Variants in ZNF736 observed in about 807,000 individuals in gnomAD.
The protein encoded by ZNF736 is KRAB-containing zinc-finger repressor protein.
In ZNF736, 6 loss-of-function variants were observed where a neutral mutation model predicts 11.7. That is an observed-to-expected ratio of 0.51 (90% CI 0.28 to 1.01). The LOEUF (loss-of-function observed/expected upper bound fraction) is 1.01, where lower values mean the gene tolerates loss of function less well. Ranked by LOEUF, ZNF736 falls within the 50% of genes least tolerant of loss-of-function variation. The pLI, the probability that ZNF736 is intolerant of heterozygous loss-of-function variation, is 0.09. For missense variants in ZNF736, 444 were observed against 496.0 expected, an observed-to-expected ratio of 0.90 and a Z score of 1.00; for synonymous variants, 139 against 164.7, an observed-to-expected ratio of 0.84 and a Z score of 1.19.
rs1255176463 is a variant in ZNF736 at position 64,351,100 on chromosome 7, T to C, written c.*1953T>C. ...GTGGTGTTGGCTTGGGGCAGGATAC[T>C]GGCCAGTAAAGGTTTTGATGCCTTC... On this transcript the variant is annotated 3_prime_UTR_variant, in exon 4 of 4. Transcript: ENST00000423484. The C allele has an allele frequency of 3.3e-5, 5 of 152,566 alleles. No individual in the cohort carries two copies. The highest frequency in any genetic ancestry group is 6.5e-5 in the Admixed American group (1 of 15,276). The allele number at this position is 152,566 out of a possible 1,614,324, so 9.5% of individuals were successfully genotyped here. A position where few individuals can be genotyped will look rare whatever the true frequency, so the allele number is the denominator to read the frequency against.
intron 3 of ZNF736, among the ~76,000 whole-genome samples, chr7:64,338,696 T>A (rs1789294204): frequency 6.7e-6 from 1 of 150,056 alleles, no homozygotes; most frequent in African/African-American, 2.5e-5. Flanking sequence ...CTGAATAATA[T>A]TCTATTTTGT....
chr7:64,347,617 A>G (rs2115968249), intron 3 of ZNF736, among the ~76,000 whole-genome samples: 1 of 152,210 alleles, frequency 6.6e-6, no homozygotes, highest in Non-Finnish European at 1.5e-5. Context: ...TGTAACAGTC[A>G]TTTACCTTTG....
chr7:64,330,119 C>G (rs1787268395), intron 1 of ZNF736, among the ~76,000 whole-genome samples: 1 of 152,000 alleles, frequency 6.6e-6, no homozygotes, highest in African/African-American at 2.4e-5. Flanking sequence ...GTGGTGAACT[C>G]TGCCAGGCCT....
chr7:64,348,573 CT>C lies in ZNF736; in HGVS notation c.714del (p.Phe238LeufsTer68), dbSNP rs762505630. ...KPYKCEGCGK[T>X]FTCSSTLVKH... ...TACAAATGTGAAGGATGTGGCAAAA[CT>C]TTTACCTGCTCCTCAACCCTTGTTA... On this transcript the variant is annotated frameshift_variant, in exon 4 of 4. Coordinates refer to ENST00000423484, the MANE Select transcript of ZNF736 (RefSeq NM_001170905.3). LOFTEE classifies it low-confidence loss of function (END_TRUNC). 1.3e-6 allele frequency: 2 copies of C among 1,589,304 alleles called. No individual in the cohort carries two copies. The highest frequency in any genetic ancestry group is 1.7e-6 in the Non-Finnish European group (2 of 1,167,584).
chr7:64,325,743 A>T (rs2115890891), intron 1 of ZNF736, among the ~76,000 whole-genome samples: 1 of 152,348 alleles, frequency 6.6e-6, no homozygotes, highest in East Asian at 1.9e-4. Context: ...ACATCATTTA[A>T]ACAGGTAAAT....
intron 1 of ZNF736, among the ~76,000 whole-genome samples, chr7:64,322,171 A>G (rs1452950737): frequency 1.3e-5 from 2 of 151,996 alleles, no homozygotes; most frequent in African/African-American, 4.8e-5. Context: ...TTACATTTGC[A>G]CCAGGAGTTA....
rs964407220 is a variant in ZNF736, at chr7:64,336,511, T to C, written c.130+126T>C. On this transcript the variant is annotated intron_variant, in intron 2 of 3. Transcript: ENST00000423484. The stretch of plus-strand genomic sequence containing the variant: ...CCTGCTTCAAAAAGAAAAAATTGGG[T>C]ATCTGTTGAGGTAGAAAATATAATC... 8 of 1,018,784 alleles carry C rather than the reference T, an allele frequency of 7.9e-6. No individual in the cohort carries two copies. In the African/African-American group the frequency reaches 1.3e-4, roughly 17 times the overall value. 63.1% of individuals were successfully genotyped at this position (1,018,784 alleles called of 1,614,324 possible). A position where few individuals can be genotyped will look rare whatever the true frequency, so the allele number is the denominator to read the frequency against.
At position 64,314,065 on chromosome 7, in the gene ZNF736, GACTCTACT is replaced by G; in HGVS notation, c.-84_-77del. Reference sequence around the variant, plus strand: ...TCCTCCGTTCCTGGAGTTCCTCGGTGACTCTACTATAGCTTCTGTTATCCTGTGACCTG... The same window carrying G: ...TCCTCCGTTCCTGGAGTTCCTCGGTGATAGCTTCTGTTATCCTGTGACCTG... On this transcript the variant is annotated 5_prime_UTR_variant, in exon 1 of 4. An upstream open reading frame in the 5' UTR loses its in-frame stop. Transcript: ENST00000423484. 3 of 1,534,880 alleles carry G rather than the reference GACTCTACT, an allele frequency of 2.0e-6. No individual in the cohort carries two copies. The highest frequency in any genetic ancestry group is 2.6e-6 in the Non-Finnish European group (3 of 1,132,188).
chr7:64,315,229 C>T (rs1023930642), intron 1 of ZNF736, among the ~76,000 whole-genome samples: 7 of 152,170 alleles, frequency 4.6e-5, no homozygotes, highest in Non-Finnish European at 8.8e-5. Context: ...TTATAAATTA[C>T]CCAGTCTGAG....
intron 1 of ZNF736, among the ~76,000 whole-genome samples, chr7:64,330,171 T>C (rs1789142123): frequency 6.6e-6 from 1 of 151,880 alleles, no homozygotes; most frequent in African/African-American, 2.4e-5. Context: ...TTTGTTTTGT[T>C]TTTGAGACGG....
rs1334852235 is a variant in ZNF736, at chr7:64,352,725, G to A, written c.*3578G>A. 1 of 152,308 alleles carries A rather than the reference G, an allele frequency of 6.6e-6. No individual in the cohort carries two copies. Among genetic ancestry groups the A allele is most frequent in the Non-Finnish European group, 1.5e-5 (1 of 68,150 alleles). 9.4% of individuals were successfully genotyped at this position (152,308 alleles called of 1,614,324 possible). ...TGTCTTTTTAGAGCACCTGTACTGT[G>A]CTAGGAGATCCTTTCCGCCCCCCGG... On this transcript the variant is annotated 3_prime_UTR_variant, in exon 4 of 4. Coordinates refer to ENST00000423484, the MANE Select transcript of ZNF736 (RefSeq NM_001170905.3).
chr7:64,331,382 C>T (rs1789163295), intron 1 of ZNF736, among the ~76,000 whole-genome samples: 1 of 152,194 alleles, frequency 6.6e-6, no homozygotes, highest in Non-Finnish European at 1.5e-5. Flanking sequence ...ACTCTCCCTT[C>T]TGTAAGCACA....
chr7:64,349,160 G>A lies in ZNF736; in HGVS notation c.*13G>A, dbSNP rs1183725521. 1.3e-6 allele frequency: 2 copies of A among 1,503,958 alleles called. No individual in the cohort carries two copies. The highest frequency in any genetic ancestry group is 1.8e-6 in the Non-Finnish European group (2 of 1,128,704). 93.2% of individuals were successfully genotyped at this position (1,503,958 alleles called of 1,614,324 possible). A position where few individuals can be genotyped will look rare whatever the true frequency, so the allele number is the denominator to read the frequency against. On this transcript the variant is annotated 3_prime_UTR_variant, in exon 4 of 4. Transcript: ENST00000423484. ...CCACAAGTGTTAAAAATGTGGAAAA[G>A]CCTTTACCAAGTCCTCATACTGTGT...
chr7:64,335,839 C>T (rs180868423), intron 1 of ZNF736, among the ~76,000 whole-genome samples: 34 of 152,306 alleles, frequency 2.2e-4, no homozygotes, highest in African/African-American at 6.7e-4. Context: ...TCAAGCTTTA[C>T]GCTAGATCTT....
chr7:64,337,760 T>TTG (rs1562673624), intron 3 of ZNF736, among the ~76,000 whole-genome samples: 39 of 126,330 alleles, frequency 3.1e-4, no homozygotes, highest in Admixed American at 1.5e-3. Context: ...TTTTTGGTTT[T>TTG]TTTTTTTTTT....
At chr7:64,328,949 G>T (rs207467999) in intron 1 of ZNF736, among the ~76,000 whole-genome samples, 1 of 83,440 alleles carries the variant, frequency 1.2e-5, no homozygotes, top group Non-Finnish European at 2.3e-5. Context: ...TTGCCCTCTT[G>T]AGGCTATTTT....
chr7:64,329,308 A>G (rs117805609), intron 1 of ZNF736, among the ~76,000 whole-genome samples: 5,146 of 151,942 alleles, frequency 0.034, 129 homozygotes, highest in Admixed American at 0.063. Context: ...AATTTTTGTG[A>G]ATGTTCATTG....
chr7:64,337,343 A>C (rs748614929), intron 3 of ZNF736: 3 of 209,872 alleles, frequency 1.4e-5, no homozygotes, highest in Non-Finnish European at 2.9e-5. Flanking sequence ...TTGAGAAACT[A>C]TATTAAACCA....
At chr7:64,334,488 A>G (rs1789217761) in intron 1 of ZNF736, among the ~76,000 whole-genome samples, 1 of 152,228 alleles carries the variant, frequency 6.6e-6, no homozygotes. Context: ...AAGGATGTAA[A>G]CAGACACTTC....
Sources: allele counts gnomAD v4.1 joint callset (sites outside exome capture counted in the v4.1 genomes callset), GRCh38; gene constraint gnomAD v4.1.1; transcripts MANE v1.5; gene names NCBI Gene and HGNC (gene_info 2026-07-23, HGNC 2026-07-21).